The following BNC2 variants were observed in gnomAD, a reference collection of about 807,000 sequenced individuals.
BNC2 encodes the protein zinc finger protein basonuclin-2.
A neutral mutation model predicts 76.3 loss-of-function variants in BNC2; 20 were observed. That is an observed-to-expected ratio of 0.26 (90% CI 0.18 to 0.38). The LOEUF (loss-of-function observed/expected upper bound fraction) is 0.38. BNC2 is among the 10% of genes least tolerant of loss of function. The pLI is 1.00. For synonymous variants in BNC2, 582 were observed against 514.8 expected (o/e 1.13, Z -1.77); for missense variants, 1,382 against 1,399.8 (o/e 0.99, Z 0.20).
At chr9:16,862,513 C>T (rs1324275383) in intron 1 of BNC2, among the ~76,000 whole-genome samples, 2 of 152,138 alleles carry the variant, frequency 1.3e-5, no homozygotes, top group East Asian at 3.9e-4. Context: ...TATAGATACC[C>T]CGTCCCAGCG....
At chr9:16,850,799 A>G (rs994553632) in intron 1 of BNC2, among the ~76,000 whole-genome samples, 9 of 97,376 alleles carry the variant, frequency 9.2e-5, no homozygotes, top group Admixed American at 5.3e-4. Context: ...CTCTGCTTCT[A>G]AAAAGTAAAT....
rs1554629166 is a variant in BNC2, at chr9:16,418,899, A to ACC, written c.*88_*89dup. 12 of 1,401,380 alleles carry ACC rather than the reference A, an allele frequency of 8.6e-6. No homozygotes were observed. Among genetic ancestry groups the ACC allele is most frequent in the African/African-American group, 1.4e-5 (1 of 69,732 alleles). 86.8% of individuals were successfully genotyped at this position (1,401,380 alleles called of 1,614,324 possible). A position where few individuals can be genotyped will look rare whatever the true frequency, so the allele number is the denominator to read the frequency against. On this transcript the variant is annotated 3_prime_UTR_variant, in exon 7 of 7. Coordinates refer to ENST00000380672, the MANE Select transcript of BNC2 (RefSeq NM_017637.6). Reference sequence around the variant, plus strand: ...CACACACACACACACACACACACACACCCCAAGTACATAAGCGCACACTGA... The same window carrying ACC: ...CACACACACACACACACACACACACACCCCCCAAGTACATAAGCGCACACTGA...
chr9:16,533,522 G>GAA (rs1373905494), intron 5 of BNC2, among the ~76,000 whole-genome samples: 1 of 151,984 alleles, frequency 6.6e-6, no homozygotes, highest in African/African-American at 2.4e-5. Context: ...AAAAATTTAG[G>GAA]GATAAGTTAC....
In BNC2 at chr9:16,437,175, G is replaced by C. The variant is rs1351651525; in HGVS notation, c.1019C>G (p.Pro340Arg). Residue 340 changes from proline (P) to arginine (R), a missense_variant, in exon 6 of 7, where the codon CCA (proline) becomes CGA (arginine). Coordinates refer to ENST00000380672, the MANE Select transcript of BNC2 (RefSeq NM_017637.6). ...PVSAPLLGLP[P>R]NGLLLEQPGL... ...TGGTTGCTCTAACAGTAGCCCATTT[G>C]GAGGCAACCCTAGCAGTGGTGCTGA... 1 of 1,614,168 alleles carries C rather than the reference G, an allele frequency of 6.2e-7. No homozygotes were observed. The highest frequency in any genetic ancestry group is 8.5e-7 in the Non-Finnish European group (1 of 1,180,032).
chr9:16,598,455 T>C (rs1820154425), intron 3 of BNC2, among the ~76,000 whole-genome samples: 1 of 152,204 alleles, frequency 6.6e-6, no homozygotes, highest in African/African-American at 2.4e-5. Context: ...TATGCAAAAG[T>C]TGCTGTTCAG....
In BNC2 at chr9:16,714,611, A is replaced by G. The variant is rs1028592361; in HGVS notation, c.330+13186T>C. 6.6e-5 allele frequency among the ~76,000 whole-genome samples: 10 copies of G among 152,234 alleles called. No individual in the cohort carries two copies. In the South Asian group the frequency reaches 2.1e-3, roughly 32 times the overall value. On this transcript the variant is annotated intron_variant, in intron 3 of 6. Coordinates refer to ENST00000380672, the MANE Select transcript of BNC2 (RefSeq NM_017637.6). ...TCTGAAGTTTTGGAAGCAAACCAAC[A>G]ACTTGTTATGTTTAAAACACAAATG...
chr9:16,597,305 C>G (rs1452441719), intron 3 of BNC2, among the ~76,000 whole-genome samples: 2 of 151,982 alleles, frequency 1.3e-5, no homozygotes, highest in Non-Finnish European at 2.9e-5. Context: ...TAATTTTGTC[C>G]CTGTTGGGCA....
intron 6 of BNC2, among the ~76,000 whole-genome samples, chr9:16,421,932 C>G (rs989903206): frequency 6.6e-6 from 1 of 152,208 alleles, no homozygotes; most frequent in Non-Finnish European, 1.5e-5. Flanking sequence ...TGACTGTAAT[C>G]TAGAACTCTG....
intron 3 of BNC2, among the ~76,000 whole-genome samples, chr9:16,726,581 AG>A (rs1824329920): frequency 6.9e-6 from 1 of 144,404 alleles, no homozygotes; most frequent in Non-Finnish European, 1.5e-5. Context: ...AAAAAAAAGC[AG>A]TTGCAGTATT....
intron 1 of BNC2, among the ~76,000 whole-genome samples, chr9:16,791,775 CA>C (rs1817517198): frequency 1.3e-5 from 2 of 152,062 alleles, no homozygotes; most frequent in South Asian, 4.2e-4. Flanking sequence ...GCGTGAGGAC[CA>C]AAAGAGAAAA....
chr9:16,544,868 A>T (rs1818430686), intron 5 of BNC2, among the ~76,000 whole-genome samples: 1 of 152,044 alleles, frequency 6.6e-6, no homozygotes, highest in Non-Finnish European at 1.5e-5. Flanking sequence ...GAAAATACAC[A>T]TCTTCACAAT....
chr9:16,698,410 G>C (rs1255871944), intron 3 of BNC2, among the ~76,000 whole-genome samples: 1 of 152,170 alleles, frequency 6.6e-6, no homozygotes, highest in Non-Finnish European at 1.5e-5. Context: ...CATGATGAGG[G>C]CCGGGCGCGG....
chr9:16,547,728 T>C (rs1221017240), intron 5 of BNC2, among the ~76,000 whole-genome samples: 1 of 152,156 alleles, frequency 6.6e-6, no homozygotes, highest in Non-Finnish European at 1.5e-5. Flanking sequence ...GAAGAAACCT[T>C]ACATGCAAAT....
chr9:16,733,039 A>G (rs535342883), intron 2 of BNC2, among the ~76,000 whole-genome samples: 7 of 152,360 alleles, frequency 4.6e-5, no homozygotes, highest in Admixed American at 2.0e-4. Context: ...ATAATGCTGA[A>G]GATACAAATT....
intron 5 of BNC2, among the ~76,000 whole-genome samples, chr9:16,529,765 C>G (rs1817919317): frequency 6.6e-6 from 1 of 152,166 alleles, no homozygotes; most frequent in Admixed American, 6.5e-5. Context: ...ATCCAACCTT[C>G]TATGAATACC....
At chr9:16,446,783 T>C (rs1030452651) in intron 5 of BNC2, among the ~76,000 whole-genome samples, 2 of 95,210 alleles carry the variant, frequency 2.1e-5, no homozygotes, top group African/African-American at 8.3e-5. Context: ...AAACAGTGAT[T>C]ATGATAGATC....
At chr9:16,485,548 G>A (rs1394159773) in intron 5 of BNC2, among the ~76,000 whole-genome samples, 1 of 152,178 alleles carries the variant, frequency 6.6e-6, no homozygotes, top group Non-Finnish European at 1.5e-5. Context: ...CTCTGTCAGG[G>A]CCGGTCCTCC....
At chr9:16,567,029 C>T (rs1819189499) in intron 4 of BNC2, among the ~76,000 whole-genome samples, 1 of 152,140 alleles carries the variant, frequency 6.6e-6, no homozygotes, top group Non-Finnish European at 1.5e-5. Flanking sequence ...TCCTAAAATG[C>T]TAGAAACAGA....
chr9:16,552,122 C>A (rs560266606), intron 5 of BNC2, among the ~76,000 whole-genome samples: 1 of 152,164 alleles, frequency 6.6e-6, no homozygotes, highest in Non-Finnish European at 1.5e-5. Context: ...AAACACCGTA[C>A]CTGCAAACTG....
Sources: allele counts gnomAD v4.1 joint callset (sites outside exome capture counted in the v4.1 genomes callset), GRCh38; gene constraint gnomAD v4.1.1; transcripts MANE v1.5; gene names NCBI Gene and HGNC (gene_info 2026-07-23, HGNC 2026-07-21).